ADH7: variants seen among roughly 807,000 people sequenced by gnomAD.
The protein encoded by ADH7 is all-trans-retinol dehydrogenase [NAD(+)] ADH7.
In ADH7, 41 loss-of-function variants were observed where a neutral mutation model predicts 34.4. The observed-to-expected ratio is 1.19, with a 90% confidence interval of 0.93 to 1.55. ADH7 has a LOEUF of 1.55. Among genes scored for constraint, ADH7 ranks in the 40% most tolerant of loss-of-function variants. ADH7 has a pLI of 0.00. For missense variants in ADH7, 540 were observed against 461.2 expected (o/e 1.17, Z -1.56); for synonymous variants, 180 against 160.9 (o/e 1.12, Z -0.90).
chr4:99,423,846 G>A (rs1229438381), intron 5 of ADH7, among the ~76,000 whole-genome samples: 1 of 152,040 alleles, frequency 6.6e-6, no homozygotes, highest in Non-Finnish European at 1.5e-5. Context: ...CACTCTGATG[G>A]TAGTTTCTTT....
At chr4:99,428,894 C>G (rs1177168506) in intron 2 of ADH7, among the ~76,000 whole-genome samples, 1 of 152,074 alleles carries the variant, frequency 6.6e-6, no homozygotes, top group East Asian at 1.9e-4. Flanking sequence ...GTGAGGGAAC[C>G]AGAATACAGA....
chr4:99,431,020 G>C (rs183284308), intron 1 of ADH7, among the ~76,000 whole-genome samples: 1 of 152,060 alleles, frequency 6.6e-6, no homozygotes, highest in African/African-American at 2.4e-5. Flanking sequence ...GCATAGTCTC[G>C]ATCTCCTGAC....
chr4:99,430,218 C>G (rs1721909768), intron 1 of ADH7: 1 of 152,238 alleles, frequency 6.6e-6, no homozygotes, highest in South Asian at 2.1e-4. Flanking sequence ...GAATTTGTGT[C>G]TGCATCTCTG....
chr4:99,434,990 T>G (rs1342115295), intron 1 of ADH7: 1 of 1,438,630 alleles, frequency 7.0e-7, no homozygotes. Flanking sequence ...TTTCCACCAA[T>G]GTCTTGCTGA....
chr4:99,433,885 T>C lies in ADH7; in HGVS notation c.18+1331A>G, dbSNP rs978490100. Among the ~76,000 whole-genome samples, 9 of 152,308 alleles carry C rather than the reference T, an allele frequency of 5.9e-5. 1 individual carries two copies. In the East Asian group the frequency reaches 1.7e-3, roughly 29 times the overall value. On this transcript the variant is annotated intron_variant, in intron 1 of 8. Transcript: ENST00000437033. ...CTAGGAAACTAATACAGTTATCTTT[T>C]ACTTTTTTAATGAAAAAGAAAACAT...
intron 8 of ADH7, among the ~76,000 whole-genome samples, chr4:99,414,018 T>C (rs1484524504): frequency 2.0e-5 from 3 of 152,148 alleles, no homozygotes; most frequent in Non-Finnish European, 2.9e-5. Flanking sequence ...AGGTGGAAAT[T>C]GAAGAGTTTA....
chr4:99,435,128 T>A, intron 1 of ADH7, 88 bp downstream of exon 1: 5 of 1,560,568 alleles, frequency 3.2e-6, no homozygotes, highest in Non-Finnish European at 4.3e-6. Flanking sequence ...TCTCCAAGTG[T>A]TTAATTACTT....
intron 1 of ADH7, among the ~76,000 whole-genome samples, chr4:99,430,653 A>G (rs1296072002): frequency 6.6e-6 from 1 of 152,232 alleles, no homozygotes; most frequent in Non-Finnish European, 1.5e-5. Context: ...GCTGAAAGCC[A>G]TCAGTAGCTC....
chr4:99,415,286 G>T, intron 8 of ADH7, 192 bp downstream of exon 8: 1 of 581,342 alleles, frequency 1.7e-6, no homozygotes, highest in Non-Finnish European at 2.9e-6. Context: ...ACCCAGTCTC[G>T]GGCAGTTTTT....
rs1384665966 is a variant in ADH7, at chr4:99,423,916, C to T, written c.565-3123G>A. 5.3e-5 allele frequency among the ~76,000 whole-genome samples: 8 copies of T among 151,958 alleles called. No individual in the cohort carries two copies. In the East Asian group the frequency reaches 1.6e-3, roughly 29 times the overall value. ...CATTTGTCAATTTTGGCTTTTGTTG[C>T]CATTGCTTTTGGTGTTTTAGACATG... On this transcript the variant is annotated intron_variant, in intron 5 of 8. Transcript: ENST00000437033.
chr4:99,426,407 T>G (rs1170803343), intron 5 of ADH7, among the ~76,000 whole-genome samples: 5 of 152,214 alleles, frequency 3.3e-5, no homozygotes, highest in African/African-American at 4.8e-5. Context: ...AAATACAAAC[T>G]ACCATCAGAG....
intron 7 of ADH7, 54 bp from the exon 8 acceptor site, chr4:99,415,670 T>G (rs1255897326): frequency 2.6e-6 from 4 of 1,539,598 alleles, no homozygotes; most frequent in African/African-American, 1.4e-5. Flanking sequence ...TCCTTATCTT[T>G]TATTATGTTA....
At chr4:99,414,176 TAAAG>T (rs1721467202) in intron 8 of ADH7, among the ~76,000 whole-genome samples, 1 of 152,124 alleles carries the variant, frequency 6.6e-6, no homozygotes, top group African/African-American at 2.4e-5. Context: ...CTTATCTGAG[TAAAG>T]TAGTACTGAG....
In ADH7 at chr4:99,427,954, G is replaced by A. The variant is rs764081328; in HGVS notation, c.383C>T (p.Thr128Ile). The A allele has an allele frequency of 6.2e-7, 1 of 1,613,990 alleles. No homozygotes were observed. Among genetic ancestry groups the A allele is most frequent in the Non-Finnish European group, 8.5e-7 (1 of 1,179,920 alleles). The change falls in exon 5 of 9, where the codon ACC (threonine) becomes ATC (isoleucine). Residue 128 changes from threonine to isoleucine, a missense_variant. Physicochemically the swap from Thr to Ile is moderately conservative, Grantham distance 89. Coordinates refer to ENST00000437033, the MANE Select transcript of ADH7 (RefSeq NM_000673.7). The part of the protein sequence containing the change: ...TGRGVLADGT[T>I]RFTCKGKPVH... ...TGGTTTGCCCTTGCATGTAAATCTGGTGGTGCCATCAGCCAGTACTCCACG... is the reference window on the plus strand; with the variant it reads ...TGGTTTGCCCTTGCATGTAAATCTGATGGTGCCATCAGCCAGTACTCCACG...
chr4:99,415,611 T>C lies in ADH7; in HGVS notation c.967A>G (p.Lys323Glu). The change falls in exon 8 of 9, where the codon AAA becomes GAA. Residue 323 changes from lysine (K) to glutamate (E), a missense_variant. Lys to Glu is a moderately conservative substitution (Grantham distance 56, BLOSUM62 1). Coordinates refer to ENST00000437033, the MANE Select transcript of ADH7 (RefSeq NM_000673.7). ...TWKGCVFGGL[K>E]SRDDVPKLVT... ...AGTTTTGGGACATCATCTCTGCTTTTCAAACCTGCAAATAAGCACACATTT... is the reference window on the plus strand; with the variant it reads ...AGTTTTGGGACATCATCTCTGCTTTCCAAACCTGCAAATAAGCACACATTT... 1 of 1,612,656 alleles carries C rather than the reference T, an allele frequency of 6.2e-7. No individual in the cohort carries two copies. Among genetic ancestry groups the C allele is most frequent in the Non-Finnish European group, 8.5e-7 (1 of 1,179,320 alleles).
chr4:99,432,454 CT>C (rs201307724), intron 1 of ADH7, among the ~76,000 whole-genome samples: 3,609 of 152,152 alleles, frequency 0.024, 81 homozygotes, highest in Non-Finnish European at 0.037. Context: ...ACATGTACCC[CT>C]GAACCTAAAA....
intron 1 of ADH7, among the ~76,000 whole-genome samples, chr4:99,432,936 C>T (rs2110141863): frequency 6.6e-6 from 1 of 152,244 alleles, no homozygotes; most frequent in South Asian, 2.1e-4. Context: ...TCTCAGCCTC[C>T]CCAGTTAGCT....
intron 7 of ADH7, 55 bp from the exon 8 acceptor site, chr4:99,415,671 T>C (rs1362783814): frequency 1.9e-5 from 29 of 1,529,164 alleles, no homozygotes; most frequent in Non-Finnish European, 2.5e-5. Context: ...CCTTATCTTT[T>C]ATTATGTTAT....
chr4:99,429,922 G>A (rs528699486), intron 1 of ADH7, among the ~76,000 whole-genome samples: 3 of 152,130 alleles, frequency 2.0e-5, no homozygotes, highest in South Asian at 2.1e-4. Flanking sequence ...ATTGATTTTT[G>A]TTTGCTGTTC....
Sources: allele counts gnomAD v4.1 joint callset (sites outside exome capture counted in the v4.1 genomes callset), GRCh38; gene constraint gnomAD v4.1.1; transcripts MANE v1.5; gene names NCBI Gene and HGNC (gene_info 2026-07-23, HGNC 2026-07-21).